PHF6: variants seen among roughly 807,000 people sequenced by gnomAD.
The protein encoded by PHF6 is PHD finger protein 6, also known as PHD-like zinc finger protein.
Under a neutral mutation model 34.0 loss-of-function variants are expected in PHF6, and 7 were observed. That is an observed-to-expected ratio of 0.21 (90% CI 0.12 to 0.39). PHF6 has a LOEUF of 0.39. PHF6 is among the 10% of genes least tolerant of loss of function. The pLI is 1.00. For synonymous variants in PHF6, 89 were observed against 88.4 expected, an observed-to-expected ratio of 1.01 and a Z score of -0.04; for missense variants, 128 against 262.8, an observed-to-expected ratio of 0.49 and a Z score of 3.55.
intron 3 of PHF6, among the ~76,000 whole-genome samples, chrX:134,382,508 G>T (rs1413447809): frequency 9.1e-6 from 1 of 109,534 alleles, no homozygotes; most frequent in Non-Finnish European, 1.9e-5. Context: ...GTTTCTGGAT[G>T]AAGCTAGCTG....
intron 9 of PHF6, 95 bp from the exon 10 acceptor site, chrX:134,425,103 ATGT>A: frequency 9.7e-7 from 1 of 1,034,673 alleles, no homozygotes; most frequent in Non-Finnish European, 1.4e-6. Context: ...GAGGAAACCC[ATGT>A]TTTAAATGGG....
intron 5 of PHF6, among the ~76,000 whole-genome samples, chrX:134,407,201 G>T (rs913992163): frequency 8.9e-6 from 1 of 112,126 alleles, no homozygotes; most frequent in East Asian, 2.8e-4. Context: ...GAAGATGACC[G>T]TTACAACTTT....
chrX:134,376,389 G>A (rs183256624), intron 1 of PHF6, among the ~76,000 whole-genome samples: 17 of 111,803 alleles, frequency 1.5e-4, no homozygotes, highest in Admixed American at 1.4e-3. Flanking sequence ...TGATTGTGAC[G>A]TGTGTTGTGG....
chrX:134,394,321 A>T (rs926615723), intron 5 of PHF6, among the ~76,000 whole-genome samples: 2 of 109,842 alleles, frequency 1.8e-5, no homozygotes, highest in Admixed American at 9.8e-5. Flanking sequence ...TTTAATAGAG[A>T]TGGGGTTTCA....
chrX:134,412,947 A>G (rs1329537633), intron 5 of PHF6, among the ~76,000 whole-genome samples: 1 of 111,988 alleles, frequency 8.9e-6, no homozygotes, highest in Non-Finnish European at 1.9e-5. Context: ...AATCTAGACC[A>G]GTGTTATCCA....
intron 1 of PHF6, among the ~76,000 whole-genome samples, chrX:134,377,123 A>G (rs2077280944): frequency 9.0e-6 from 1 of 111,692 alleles, no homozygotes; most frequent in Non-Finnish European, 1.9e-5. Context: ...TTAATATTAT[A>G]CATTGTACAT....
At chrX:134,425,175 G>T (rs2077504056) in intron 9 of PHF6, 26 bp from the exon 10 acceptor site, 2 of 1,208,061 alleles carry the variant, frequency 1.7e-6, no homozygotes, top group Non-Finnish European at 2.2e-6. Flanking sequence ...AAAGCATTTT[G>T]AGATTTTTGT....
intron 3 of PHF6, among the ~76,000 whole-genome samples, chrX:134,382,242 A>G (rs2077310576): frequency 8.9e-6 from 1 of 112,110 alleles, no homozygotes; most frequent in Non-Finnish European, 1.9e-5. Flanking sequence ...AAGATGGACC[A>G]GGAAAAATTT....
Position 134,428,117 on chromosome X carries a change from TTTTC to T in PHF6, c.*2461_*2464del, listed in dbSNP as rs2077513277. ...TTTTGAAGCGTCTTTTTTCTTTCTT[TTTTC>T]TTTTTTTGTTTTGTTTTTTGTTATT... On this transcript the variant is annotated 3_prime_UTR_variant, in exon 11 of 11. Coordinates refer to ENST00000370803, the MANE Select transcript of PHF6 (RefSeq NM_001015877.2). 6.4e-6 allele frequency: 1 copy of T among 156,568 alleles called. No homozygotes were observed. The highest frequency in any genetic ancestry group is 3.0e-5 in the African/African-American group (1 of 32,915). 12.9% of individuals were successfully genotyped at this position (156,568 alleles called of 1,213,427 possible). A position where few individuals can be genotyped will look rare whatever the true frequency, so the allele number is the denominator to read the frequency against.
At chrX:134,386,460 G>T (rs1265247459) in intron 3 of PHF6, among the ~76,000 whole-genome samples, 3 of 107,199 alleles carry the variant, frequency 2.8e-5, no homozygotes, top group African/African-American at 1.0e-4. Context: ...CGCCAGGCTG[G>T]AGTGCAGTTG....
At chrX:134,392,622 C>T (rs1208597415) in intron 3 of PHF6, among the ~76,000 whole-genome samples, 1 of 111,276 alleles carries the variant, frequency 9.0e-6, no homozygotes, top group Non-Finnish European at 1.9e-5. Context: ...AAATACTGTG[C>T]ATATTTTCAT....
intron 1 of PHF6, among the ~76,000 whole-genome samples, chrX:134,376,250 A>G (rs1160685615): frequency 8.9e-6 from 1 of 112,272 alleles, no homozygotes; most frequent in Non-Finnish European, 1.9e-5. Context: ...TGGTGAACGA[A>G]TGCTTCTCAG....
chrX:134,417,380 C>G, intron 9 of PHF6, 78 bp downstream of exon 9: 1 of 1,044,857 alleles, frequency 9.6e-7, no homozygotes, highest in Admixed American at 2.2e-5. Context: ...TTTACTCAGT[C>G]TCTGTTCTTA....
At chrX:134,396,627 T>A (rs915517352) in intron 5 of PHF6, among the ~76,000 whole-genome samples, 1 of 111,219 alleles carries the variant, frequency 9.0e-6, no homozygotes, top group Non-Finnish European at 1.9e-5. Flanking sequence ...TTATATATAG[T>A]GTGTTTATAC....
chrX:134,382,173 A>C (rs1488069042), intron 3 of PHF6, among the ~76,000 whole-genome samples: 5 of 111,997 alleles, frequency 4.5e-5, no homozygotes, highest in African/African-American at 1.6e-4. Flanking sequence ...TCAAAGGAGG[A>C]AAGCCATTCT....
At chrX:134,403,407 A>C (rs1405315147) in intron 5 of PHF6, among the ~76,000 whole-genome samples, 3 of 112,181 alleles carry the variant, frequency 2.7e-5, no homozygotes, top group Non-Finnish European at 5.6e-5. Context: ...CAATTCTATG[A>C]AGGCTGAGAG....
In PHF6 at chrX:134,417,122, T is replaced by TG. The variant is rs749913335; in HGVS notation, c.835-46dup. The TG allele has an allele frequency of 9.2e-6, 11 of 1,194,087 alleles. No homozygotes were observed. In the South Asian group the frequency reaches 2.0e-4, roughly 21 times the overall value. ...CTCTTTTTCAATAGAAAATAGCTGC[T>TG]GTTTTCTTGAAATACGGCTTACGAT... On this transcript the variant is annotated intron_variant, in intron 8 of 10. Transcript: ENST00000370803.
Position 134,377,652 on chromosome X carries a change from C to T in PHF6, c.35C>T (p.Thr12Ile). 8.3e-7 allele frequency: 1 copy of T among 1,210,401 alleles called. No homozygotes were observed. Among genetic ancestry groups the T allele is most frequent in the Non-Finnish European group, 1.1e-6 (1 of 894,788 alleles). The part of the protein sequence containing the change: ...SSSVEQKKGP[T>I]RQRKCGFCKS... The stretch of plus-strand genomic sequence containing the variant: ...TCAGTTGAACAGAAAAAAGGGCCTA[C>T]AAGACAGCGCAAATGTGGCTTTTGT... The change falls in exon 2 of 11, where the codon ACA becomes ATA. Residue 12 changes from threonine (T) to isoleucine (I), a missense_variant. By Grantham distance (89) the Thr-to-Ile change is moderately conservative (BLOSUM62 -1). Transcript: ENST00000370803.
chrX:134,397,676 A>T (rs2077383144), intron 5 of PHF6, among the ~76,000 whole-genome samples: 1 of 111,288 alleles, frequency 9.0e-6, no homozygotes, highest in South Asian at 3.7e-4. Context: ...CATTTCTGAT[A>T]AAAAAAATAT....
Sources: gnomAD v4.1 joint callset for allele counts (sites outside exome capture counted in the v4.1 genomes callset) on GRCh38, gnomAD v4.1.1 for gene constraint, MANE v1.5 for transcripts, NCBI Gene and HGNC (gene_info 2026-07-23, HGNC 2026-07-21) for gene names.